MAP2K5: variants seen among roughly 807,000 people sequenced by gnomAD.
The protein encoded by MAP2K5 is mitogen-activated protein kinase kinase 5.
MAP2K5 carries 49 observed loss-of-function variants against 83.1 expected under a neutral mutation model. The observed-to-expected ratio is 0.59, with a 90% CI of 0.47 to 0.75. The LOEUF (loss-of-function observed/expected upper bound fraction) is 0.75. Among genes scored for constraint, MAP2K5 ranks in the 30% least tolerant of loss-of-function variants. The pLI is 0.00. For missense variants in MAP2K5, 457 were observed against 557.5 expected (o/e 0.82, Z 1.82); for synonymous variants, 202 against 191.8 (o/e 1.05, Z -0.44).
At chr15:67,590,011 T>G (rs575163620) in intron 6 of MAP2K5, among the ~76,000 whole-genome samples, 2 of 152,312 alleles carry the variant, frequency 1.3e-5, no homozygotes, top group South Asian at 4.1e-4. Flanking sequence ...TTATGTTAAC[T>G]GGACTGATTT....
At chr15:67,728,017 G>C in intron 17 of MAP2K5, 72 bp downstream of exon 17, 1 of 1,243,506 alleles carries the variant, frequency 8.0e-7, no homozygotes, top group Non-Finnish European at 1.2e-6. Context: ...GGGAGCAATT[G>C]TGAACATTTG....
At position 67,800,790 on chromosome 15, in the gene MAP2K5, G is replaced by A. The variant is rs1028513805; in HGVS notation, c.1243-5856G>A. 5.3e-5 allele frequency among the ~76,000 whole-genome samples: 8 copies of A among 152,254 alleles called. No individual in the cohort carries two copies. The South Asian group carries it at 1.0e-3, about 20-fold the overall frequency. On this transcript the variant is annotated intron_variant, in intron 21 of 21. Transcript: ENST00000178640. ...CACAGCTTTACACATGCATGTGTACGTCCTAAGTGGACGTCTTTTTTCAAA... is the reference window on the plus strand; with the variant it reads ...CACAGCTTTACACATGCATGTGTACATCCTAAGTGGACGTCTTTTTTCAAA...
chr15:67,658,919 T>C, intron 12 of MAP2K5: 1 of 456,966 alleles, frequency 2.2e-6, no homozygotes, highest in Non-Finnish European at 4.3e-6. Flanking sequence ...TTGTTTTGTT[T>C]TTACATTTTG....
At chr15:67,626,946 T>C (rs942745167) in intron 8 of MAP2K5, among the ~76,000 whole-genome samples, 1 of 152,010 alleles carries the variant, frequency 6.6e-6, no homozygotes, top group African/African-American at 2.4e-5. Flanking sequence ...ATTTTCTATA[T>C]CTTTGAGACA....
chr15:67,542,731 C>G lies in MAP2K5; in HGVS notation c.-605C>G, dbSNP rs1432400479. On this transcript the variant is annotated 5_prime_UTR_variant, in exon 1 of 22. Coordinates refer to ENST00000178640, the MANE Select transcript of MAP2K5 (RefSeq NM_145160.3). ...TTCCTCCTCCTCCTCTCGCCGCTAC[C>G]GCCGTCGCCGCCGCCGCAGCCGCCG... The G allele has an allele frequency of 3.1e-5, 3 of 98,274 alleles. No homozygotes were observed. The highest frequency in any genetic ancestry group is 8.1e-5 in the African/African-American group (3 of 37,170). 6.1% of individuals were successfully genotyped at this position (98,274 alleles called of 1,614,324 possible). A position where few individuals can be genotyped will look rare whatever the true frequency, so the allele number is the denominator to read the frequency against.
At chr15:67,739,906 G>T (rs2141263311) in intron 17 of MAP2K5, among the ~76,000 whole-genome samples, 1 of 152,260 alleles carries the variant, frequency 6.6e-6, no homozygotes, top group Non-Finnish European at 1.5e-5. Context: ...GTGATATGTG[G>T]AACCAAAACT....
chr15:67,623,739 A>C (rs2086243231), intron 8 of MAP2K5, among the ~76,000 whole-genome samples: 1 of 151,748 alleles, frequency 6.6e-6, no homozygotes, highest in Non-Finnish European at 1.5e-5. Context: ...CTGGGATTAC[A>C]GGCACCCACC....
At position 67,757,877 on chromosome 15, in the gene MAP2K5, A is replaced by C. The variant is rs141137265; in HGVS notation, c.1134+9276A>C. On this transcript the variant is annotated intron_variant, in intron 19 of 21. Coordinates refer to ENST00000178640, the MANE Select transcript of MAP2K5 (RefSeq NM_145160.3). This position sits in a 1 kb window ranked among gnomAD's most constrained non-coding sequence, Gnocchi z 4.9. ...AAACACAGAGGAGAGAACTCAGTGG[A>C]GGAGATGGGGGCTACCAGGGAAGCT... Among the ~76,000 whole-genome samples the C allele has an allele frequency of 2.2e-4, 33 of 152,248 alleles. No individual in the cohort carries two copies. Among genetic ancestry groups the C allele is most frequent in the African/African-American group, 7.5e-4 (31 of 41,554 alleles).
At chr15:67,629,070 T>C (rs1196110043) in intron 8 of MAP2K5, 41 of 740,362 alleles carry the variant, frequency 5.5e-5, no homozygotes, top group East Asian at 3.2e-4. Flanking sequence ...TGCCAAACCA[T>C]GAAACCAAGG....
At chr15:67,666,459 TG>T (rs1263903976) in intron 13 of MAP2K5, among the ~76,000 whole-genome samples, 2 of 152,182 alleles carry the variant, frequency 1.3e-5, no homozygotes, top group African/African-American at 4.8e-5. Context: ...ATGTTTCAGA[TG>T]GATTTGTCTG....
chr15:67,803,952 A>C (rs1370665587), intron 21 of MAP2K5, among the ~76,000 whole-genome samples: 2 of 152,224 alleles, frequency 1.3e-5, no homozygotes, highest in Non-Finnish European at 2.9e-5. Flanking sequence ...GTGACCCTGC[A>C]GCCTCCATCA....
intron 13 of MAP2K5, among the ~76,000 whole-genome samples, chr15:67,687,563 C>G (rs181000311): frequency 6.6e-6 from 1 of 152,314 alleles, no homozygotes; most frequent in Admixed American, 6.5e-5. Flanking sequence ...AGTACCATAT[C>G]TGGCACATGG....
chr15:67,795,466 A>G (rs1000442711), intron 21 of MAP2K5, among the ~76,000 whole-genome samples: 2 of 152,232 alleles, frequency 1.3e-5, no homozygotes, highest in Admixed American at 6.5e-5. Context: ...TTCAATTTCA[A>G]TTAGGACTTT....
intron 8 of MAP2K5, among the ~76,000 whole-genome samples, chr15:67,607,941 T>C (rs996680903): frequency 3.3e-5 from 5 of 152,210 alleles, no homozygotes; most frequent in Non-Finnish European, 7.4e-5. Flanking sequence ...CAATACGTTA[T>C]GGTAATATTT....
chr15:67,630,057 C>T (rs2086431525), intron 8 of MAP2K5, among the ~76,000 whole-genome samples: 2 of 152,212 alleles, frequency 1.3e-5, no homozygotes, highest in African/African-American at 4.8e-5. Flanking sequence ...GAGCAACATC[C>T]AGAGACCCTG....
In MAP2K5 at chr15:67,605,059, C is replaced by CTT. The variant is rs970873039; in HGVS notation, c.545+4321_545+4322dup. Among the ~76,000 whole-genome samples the CTT allele has an allele frequency of 1.6e-4, 23 of 140,132 alleles. No homozygotes were observed. In the East Asian group the frequency reaches 2.9e-3, roughly 18 times the overall value. The allele number at this position is 140,132 out of a possible 152,430, so 91.9% of individuals were successfully genotyped here. On this transcript the variant is annotated intron_variant, in intron 8 of 21. Coordinates refer to ENST00000178640, the MANE Select transcript of MAP2K5 (RefSeq NM_145160.3). ...CTTGACTTGGCCATGGGACTCTTTT[C>CTT]TTTTTTTTTTTTGAGACAGAGTCTC... is the stretch of plus-strand genomic sequence containing the variant.
intron 19 of MAP2K5, among the ~76,000 whole-genome samples, chr15:67,761,747 C>A (rs2089953280): frequency 6.6e-6 from 1 of 151,980 alleles, no homozygotes; most frequent in Non-Finnish European, 1.5e-5. Context: ...ATGAAAAGAT[C>A]AATTTTTTTT....
At chr15:67,594,260 C>T (rs1470396727) in intron 7 of MAP2K5, among the ~76,000 whole-genome samples, 1 of 152,078 alleles carries the variant, frequency 6.6e-6, no homozygotes, top group Non-Finnish European at 1.5e-5. Context: ...GATTGAGGTC[C>T]ACATCTGTAT....
intron 3 of MAP2K5, among the ~76,000 whole-genome samples, chr15:67,567,554 T>C (rs1003194194): frequency 6.6e-5 from 10 of 151,878 alleles, no homozygotes; most frequent in African/African-American, 1.2e-4. Context: ...TTAGTAGAGA[T>C]GGGGTTTCAC....
Sources: allele counts gnomAD v4.1 joint callset (sites outside exome capture counted in the v4.1 genomes callset), GRCh38; gene constraint gnomAD v4.1.1; non-coding constraint Gnocchi (gnomAD v3.1); transcripts MANE v1.5; gene names NCBI Gene and HGNC (gene_info 2026-07-23, HGNC 2026-07-21).